Variants in LRFN5 observed in about 807,000 individuals in gnomAD.
The protein encoded by LRFN5 is leucine rich repeat and fibronectin type III domain containing 5.
LRFN5 carries 24 observed loss-of-function variants against 45.6 expected under a neutral mutation model. That is an observed-to-expected ratio of 0.53 (90% CI 0.38 to 0.74). The LOEUF is 0.74. Ranked by LOEUF, LRFN5 falls within the 30% of genes least tolerant of loss-of-function variation. The pLI is 0.00. For synonymous variants in LRFN5, 340 were observed against 313.8 expected, an observed-to-expected ratio of 1.08 and a Z score of -0.88; for missense variants, 776 against 861.5, an observed-to-expected ratio of 0.90 and a Z score of 1.24.
chr14:41,614,536 C>G (rs1248375049), intron 1 of LRFN5, among the ~76,000 whole-genome samples: 1 of 151,986 alleles, frequency 6.6e-6, no homozygotes, highest in Non-Finnish European at 1.5e-5. Context: ...AATTTATTAA[C>G]TGAAACTTTT....
At chr14:41,642,386 A>T (rs1879620315) in intron 1 of LRFN5, among the ~76,000 whole-genome samples, 1 of 152,222 alleles carries the variant, frequency 6.6e-6, no homozygotes, top group Admixed American at 6.5e-5. Flanking sequence ...CCATTTGGAA[A>T]ATAGTGATAA....
intron 2 of LRFN5, among the ~76,000 whole-genome samples, chr14:41,781,602 AAGAAAGAAAGAAAGAG>A (rs1413784690): frequency 3.4e-5 from 3 of 89,464 alleles, no homozygotes; most frequent in African/African-American, 1.0e-4. Context: ...GAAAGAAAGA[AAGAAAGAAAGAAAGAG>A]AAAGAAAGAA....
At chr14:41,864,427 G>C (rs2139104656) in intron 2 of LRFN5, among the ~76,000 whole-genome samples, 1 of 152,296 alleles carries the variant, frequency 6.6e-6, no homozygotes, top group East Asian at 1.9e-4. Context: ...GACAAGTGAT[G>C]ATGAGCATTT....
chr14:41,672,117 G>A (rs979563482), intron 1 of LRFN5, among the ~76,000 whole-genome samples: 4 of 152,046 alleles, frequency 2.6e-5, no homozygotes, highest in African/African-American at 9.7e-5. Context: ...TCCTCTTTCT[G>A]TTTATTTTTT....
chr14:41,807,393 A>G (rs1231463546), intron 2 of LRFN5, among the ~76,000 whole-genome samples: 5 of 152,176 alleles, frequency 3.3e-5, no homozygotes, highest in African/African-American at 7.2e-5. Flanking sequence ...ATGATATGTT[A>G]TCAGAATGAC....
In LRFN5 at chr14:41,891,313, C is replaced by T. The variant is rs141598076; in HGVS notation, c.1449C>T (p.Asp483=). ...VNNLAAGTMY[D]LCVLAIYDDG... ...ATCTGGCTGCTGGAACTATGTATGA[C>T]TTGTGTGTCTTGGCCATATATGATG... Residue 483 remains aspartate, a synonymous_variant, in exon 4 of 6, where the codon GAC becomes GAT. Transcript: ENST00000298119. 1.1e-5 allele frequency: 17 copies of T among 1,614,074 alleles called. No homozygotes were observed. In the African/African-American group the frequency reaches 1.2e-4, roughly 11 times the overall value.
intron 2 of LRFN5, among the ~76,000 whole-genome samples, chr14:41,778,634 A>C (rs556572691): frequency 2.6e-5 from 4 of 151,924 alleles, no homozygotes; most frequent in Admixed American, 2.6e-4. Flanking sequence ...TAATAACTAC[A>C]ATGTGAAGAA....
At chr14:41,649,094 C>A (rs1258368933) in intron 1 of LRFN5, among the ~76,000 whole-genome samples, 1 of 151,992 alleles carries the variant, frequency 6.6e-6, no homozygotes, top group Non-Finnish European at 1.5e-5. Flanking sequence ...ATTAGTTGGG[C>A]GTTGTGGCGG....
At chr14:41,649,722 G>T (rs1880002071) in intron 1 of LRFN5, among the ~76,000 whole-genome samples, 5 of 152,102 alleles carry the variant, frequency 3.3e-5, no homozygotes, top group East Asian at 3.9e-4. Flanking sequence ...AATCCTGTTA[G>T]GTGGGTTTAA....
chr14:41,748,702 T>A (rs879720632), intron 1 of LRFN5, among the ~76,000 whole-genome samples: 58 of 152,060 alleles, frequency 3.8e-4, no homozygotes, highest in Admixed American at 7.2e-4. Context: ...AAATGTATGG[T>A]TCAGTATGAA....
At position 41,819,776 on chromosome 14, in the gene LRFN5, C is replaced by T. The variant is rs141395777; in HGVS notation, c.-21+52747C>T. On this transcript the variant is annotated intron_variant, in intron 2 of 5. Transcript: ENST00000298119. ...ATGGTGTTAAACCAGGAGAGATAGCCTTCATGATCCAATCACCTTCCACCA... is the reference window on the plus strand; with the variant it reads ...ATGGTGTTAAACCAGGAGAGATAGCTTTCATGATCCAATCACCTTCCACCA... 3.6e-4 allele frequency among the ~76,000 whole-genome samples: 55 copies of T among 152,156 alleles called. No homozygotes were observed. The East Asian group carries it at 0.01, about 28-fold the overall frequency.
At chr14:41,709,584 A>C (rs896797396) in intron 1 of LRFN5, among the ~76,000 whole-genome samples, 7 of 152,022 alleles carry the variant, frequency 4.6e-5, no homozygotes, top group Non-Finnish European at 7.4e-5. Context: ...AGTCCTTTTT[A>C]TAGCATTAAC....
chr14:41,875,868 C>G (rs1890167756), intron 2 of LRFN5, among the ~76,000 whole-genome samples: 1 of 152,162 alleles, frequency 6.6e-6, no homozygotes, highest in Admixed American at 6.5e-5. Flanking sequence ...TGTTATTTCA[C>G]AACACTGTGT....
At chr14:41,890,270 T>G (rs776999182) in intron 3 of LRFN5, among the ~76,000 whole-genome samples, 1 of 152,188 alleles carries the variant, frequency 6.6e-6, no homozygotes, top group Non-Finnish European at 1.5e-5. Flanking sequence ...GGATGAGGGA[T>G]TTATGCTCTG....
intron 2 of LRFN5, among the ~76,000 whole-genome samples, chr14:41,797,293 A>T (rs1566448505): frequency 6.6e-6 from 1 of 151,768 alleles, no homozygotes; most frequent in Admixed American, 6.6e-5. Context: ...ATTAAATATG[A>T]TACCCTAGCT....
chr14:41,826,147 G>A (rs1436563601), intron 2 of LRFN5, among the ~76,000 whole-genome samples: 2 of 152,132 alleles, frequency 1.3e-5, no homozygotes, highest in African/African-American at 4.8e-5. Flanking sequence ...CATTTTAAAA[G>A]GATTTTGTGA....
intron 2 of LRFN5, among the ~76,000 whole-genome samples, chr14:41,800,727 A>T (rs1020796697): frequency 6.6e-6 from 1 of 151,884 alleles, no homozygotes; most frequent in African/African-American, 2.4e-5. Flanking sequence ...ATACAATAAA[A>T]AAGTAAGTCT....
chr14:41,649,088 G>A (rs1176285684), intron 1 of LRFN5, among the ~76,000 whole-genome samples: 1 of 152,242 alleles, frequency 6.6e-6, no homozygotes, highest in South Asian at 2.1e-4. Flanking sequence ...ACAAAAATTA[G>A]TTGGGCGTTG....
At chr14:41,804,149 C>T (rs566830578) in intron 2 of LRFN5, among the ~76,000 whole-genome samples, 1 of 152,122 alleles carries the variant, frequency 6.6e-6, no homozygotes, top group South Asian at 2.1e-4. Flanking sequence ...TCGTGAGCCA[C>T]CGTGCCTGGC....
Sources: gnomAD v4.1 joint callset for allele counts (sites outside exome capture counted in the v4.1 genomes callset) on GRCh38, gnomAD v4.1.1 for gene constraint, MANE v1.5 for transcripts, NCBI Gene and HGNC (gene_info 2026-07-23, HGNC 2026-07-21) for gene names.